The following TCF7L1 variants were observed in gnomAD, a reference collection of about 807,000 sequenced individuals.
TCF7L1 encodes transcription factor 7-like 1.
TCF7L1 carries 18 observed loss-of-function variants against 63.7 expected under a neutral mutation model. The observed-to-expected ratio is 0.28, with a 90% CI of 0.20 to 0.42. The LOEUF (loss-of-function observed/expected upper bound fraction) is 0.42, where lower values mean the gene tolerates loss of function less well. Among genes scored for constraint, TCF7L1 ranks in the 10% least tolerant of loss-of-function variants. The probability of loss-of-function intolerance (pLI) is 1.00; values close to 1 mark genes in which losing one functional copy is unlikely to be tolerated. For synonymous variants in TCF7L1, 355 were observed against 340.9 expected (o/e 1.04, Z -0.46); for missense variants, 654 against 779.3 (o/e 0.84, Z 1.91).
intron 3 of TCF7L1, among the ~76,000 whole-genome samples, chr2:85,195,497 T>C (rs1279038700): frequency 2.0e-5 from 3 of 152,126 alleles, no homozygotes. Flanking sequence ...TGAAGACCGA[T>C]TTTCTTGCTT....
intron 4 of TCF7L1, among the ~76,000 whole-genome samples, chr2:85,291,965 C>CA (rs1320797332): frequency 2.0e-5 from 3 of 151,022 alleles, no homozygotes; most frequent in Non-Finnish European, 4.4e-5. Flanking sequence ...CTCAGCCTCC[C>CA]AAAGTGCTGA....
intron 3 of TCF7L1, among the ~76,000 whole-genome samples, chr2:85,264,734 T>A (rs1162756626): frequency 6.6e-6 from 1 of 152,130 alleles, no homozygotes; most frequent in Non-Finnish European, 1.5e-5. Flanking sequence ...GCCTGGATGC[T>A]TGAAATTCCA....
intron 3 of TCF7L1, among the ~76,000 whole-genome samples, chr2:85,232,755 G>T (rs1410085750): frequency 6.6e-6 from 1 of 152,088 alleles, no homozygotes; most frequent in East Asian, 1.9e-4. Context: ...GTTGTCATTA[G>T]AATGTTTATA....
chr2:85,153,209 T>C (rs571578783), intron 3 of TCF7L1, among the ~76,000 whole-genome samples: 7 of 152,318 alleles, frequency 4.6e-5, no homozygotes, highest in African/African-American at 1.7e-4. Context: ...ACCTCATAGT[T>C]GCAAAGATTA....
intron 3 of TCF7L1, among the ~76,000 whole-genome samples, chr2:85,212,089 CAAAAAAAAAA>C (rs61280306): frequency 5.7e-5 from 4 of 69,804 alleles, no homozygotes; most frequent in African/African-American, 1.5e-4. Context: ...GACTCCATCT[CAAAAAAAAAA>C]AAAAAAAAAA....
At chr2:85,159,562 T>A (rs1430708036) in intron 3 of TCF7L1, among the ~76,000 whole-genome samples, 1 of 152,234 alleles carries the variant, frequency 6.6e-6, no homozygotes, top group Non-Finnish European at 1.5e-5. Context: ...AGGAAACAGG[T>A]TGGCAGTTCC....
chr2:85,196,840 C>A (rs940211929), intron 3 of TCF7L1, among the ~76,000 whole-genome samples: 2 of 152,202 alleles, frequency 1.3e-5, no homozygotes, highest in South Asian at 2.1e-4. Context: ...CTTTATGTCA[C>A]CCAGTAAGTG....
rs568130539 is a variant in TCF7L1 at position 85,195,315 on chromosome 2, T to G, written c.441+60865T>G. ...AAATGTTAACGTGCATGGGACGTGG[T>G]GGCTTATGCCTGTAATTGCAACACT... is the stretch of plus-strand genomic sequence containing the variant. On this transcript the variant is annotated intron_variant, in intron 3 of 11. Transcript: ENST00000282111. Among the ~76,000 whole-genome samples, 3 of 152,318 alleles carry G rather than the reference T, an allele frequency of 2.0e-5. No individual in the cohort carries two copies. In the South Asian group the frequency reaches 6.2e-4, roughly 32 times the overall value.
intron 3 of TCF7L1, among the ~76,000 whole-genome samples, chr2:85,154,557 T>C (rs2104210354): frequency 6.6e-6 from 1 of 152,184 alleles, no homozygotes; most frequent in East Asian, 1.9e-4. Flanking sequence ...CGTCACCCCA[T>C]GCGTAAGTCT....
At chr2:85,209,990 A>G (rs897392969) in intron 3 of TCF7L1, among the ~76,000 whole-genome samples, 2 of 152,160 alleles carry the variant, frequency 1.3e-5, no homozygotes, top group Non-Finnish European at 2.9e-5. Flanking sequence ...ACTCTAAGGC[A>G]ATTGGATCTC....
At chr2:85,181,961 C>G (rs527304153) in intron 3 of TCF7L1, among the ~76,000 whole-genome samples, 1 of 152,128 alleles carries the variant, frequency 6.6e-6, no homozygotes, top group Non-Finnish European at 1.5e-5. Context: ...CAGAACTTTG[C>G]GTAAAACTGA....
chr2:85,156,433 G>C (rs1341303290), intron 3 of TCF7L1, among the ~76,000 whole-genome samples: 1 of 152,336 alleles, frequency 6.6e-6, no homozygotes, highest in Admixed American at 6.5e-5. Context: ...GGAGCACACA[G>C]AATCCCCCTG....
chr2:85,265,879 A>C (rs1554109), intron 3 of TCF7L1, among the ~76,000 whole-genome samples: 69,740 of 151,808 alleles, frequency 0.46, 16,594 homozygotes, highest in Non-Finnish European at 0.53. Context: ...CCAAAAGAAT[A>C]AAATAAAAAC....
chr2:85,223,052 C>T (rs758500297), intron 3 of TCF7L1, among the ~76,000 whole-genome samples: 8 of 152,068 alleles, frequency 5.3e-5, no homozygotes, highest in Non-Finnish European at 1.2e-4. Flanking sequence ...TTATATTGTT[C>T]TCTCTACTTT....
At chr2:85,303,785 G>C in intron 5 of TCF7L1, 110 bp from the exon 6 acceptor site, 1 of 787,208 alleles carries the variant, frequency 1.3e-6, no homozygotes, top group Non-Finnish European at 2.1e-6. Flanking sequence ...ACAAGCACCT[G>C]CTAGGCTCCA....
intron 3 of TCF7L1, among the ~76,000 whole-genome samples, chr2:85,176,725 G>A (rs966126167): frequency 1.3e-4 from 20 of 152,298 alleles, no homozygotes; most frequent in Middle Eastern, 3.4e-3. Context: ...AGTGGTTCAC[G>A]CCTGTAATCC....
intron 3 of TCF7L1, among the ~76,000 whole-genome samples, chr2:85,241,431 GTTTTTGTTTTTTTTTTTTT>G (rs1680324006): frequency 1.5e-5 from 1 of 68,782 alleles, no homozygotes; most frequent in African/African-American, 5.2e-5. Flanking sequence ...GATGCACTTT[GTTTTTGTTTTTTTTTTTTT>G]TTTTTTTTTT....
At chr2:85,268,100 T>G (rs146686177) in intron 3 of TCF7L1, among the ~76,000 whole-genome samples, 1 of 152,190 alleles carries the variant, frequency 6.6e-6, no homozygotes, top group African/African-American at 2.4e-5. Context: ...AGATATGATA[T>G]TGGTAAATGT....
intron 3 of TCF7L1, among the ~76,000 whole-genome samples, chr2:85,226,412 A>C (rs917056632): frequency 6.6e-6 from 1 of 152,218 alleles, no homozygotes; most frequent in Non-Finnish European, 1.5e-5. Flanking sequence ...ACACAGATAA[A>C]TTACTTGCCT....
Sources: gnomAD v4.1 joint callset for allele counts (sites outside exome capture counted in the v4.1 genomes callset) on GRCh38, gnomAD v4.1.1 for gene constraint, MANE v1.5 for transcripts, NCBI Gene and HGNC (gene_info 2026-07-23, HGNC 2026-07-21) for gene names.